The following LSM4 variants were observed in gnomAD, a reference collection of about 807,000 sequenced individuals.
LSM4 encodes the protein LSM4 homolog, U6 small nuclear RNA and mRNA degradation associated, also known as U6 snRNA-associated Sm-like protein LSm4.
In LSM4, 15 loss-of-function variants were observed where a neutral mutation model predicts 22.3. That is an observed-to-expected ratio of 0.67 (90% CI 0.45 to 1.03). The LOEUF is 1.03. Among genes scored for constraint, LSM4 ranks in the 50% least tolerant of loss-of-function variants. The pLI is 0.00. For synonymous variants in LSM4, 90 were observed against 79.8 expected, an observed-to-expected ratio of 1.13 and a Z score of -0.68; for missense variants, 127 against 198.0, an observed-to-expected ratio of 0.64 and a Z score of 2.15.
chr19:18,310,625 C>T (rs926954904), intron 3 of LSM4, among the ~76,000 whole-genome samples: 1 of 152,196 alleles, frequency 6.6e-6, no homozygotes, highest in African/African-American at 2.4e-5. Context: ...CCTACCATAT[C>T]AGTTTCCCAG....
chr19:18,320,413 C>G (rs914499904), intron 1 of LSM4, among the ~76,000 whole-genome samples: 1 of 150,628 alleles, frequency 6.6e-6, no homozygotes, highest in Admixed American at 6.6e-5. Context: ...AGGCTGAGGT[C>G]AGGTGGGAGG....
intron 3 of LSM4, chr19:18,312,360 A>G: frequency 2.1e-6 from 1 of 472,990 alleles, no homozygotes; most frequent in Non-Finnish European, 3.9e-6. Context: ...AGGTCCTTCC[A>G]GGTCAGGGGT....
Position 18,312,741 on chromosome 19 carries a change from G to A in LSM4, c.46-39C>T, listed in dbSNP as rs750286303. On this transcript the variant is annotated intron_variant, in intron 2 of 4. Coordinates refer to ENST00000593829, the MANE Select transcript of LSM4 (RefSeq NM_012321.5). ...AGGCTAGAGGTTGGCTGTAGCCCTGGAGCCCTGCGCCATGGGCCCCTCAGG... is the reference window on the plus strand; with the variant it reads ...AGGCTAGAGGTTGGCTGTAGCCCTGAAGCCCTGCGCCATGGGCCCCTCAGG... The A allele has an allele frequency of 2.8e-5, 42 of 1,509,516 alleles. No individual in the cohort carries two copies. The East Asian group carries it at 9.3e-4, about 33-fold the overall frequency. 93.5% of individuals were successfully genotyped at this position (1,509,516 alleles called of 1,614,324 possible). A position where few individuals can be genotyped will look rare whatever the true frequency, so the allele number is the denominator to read the frequency against.
At chr19:18,312,790 GACCA>G in intron 2 of LSM4, 88 bp from the exon 3 acceptor site, 3 of 981,148 alleles carry the variant, frequency 3.1e-6, no homozygotes, top group Non-Finnish European at 4.9e-6. Flanking sequence ...CCCTGAGATG[GACCA>G]CCACCTCCGG....
chr19:18,313,984 T>C (rs1970325125), intron 2 of LSM4, among the ~76,000 whole-genome samples: 1 of 152,090 alleles, frequency 6.6e-6, no homozygotes, highest in South Asian at 2.1e-4. Flanking sequence ...CACGCCCAGC[T>C]AATTTTTTAG....
intron 1 of LSM4, among the ~76,000 whole-genome samples, chr19:18,320,429 G>T (rs947257142): frequency 2.0e-5 from 3 of 152,254 alleles, no homozygotes; most frequent in African/African-American, 7.2e-5. Context: ...GGAGGATCAC[G>T]GGCCAGTGAG....
intron 2 of LSM4, among the ~76,000 whole-genome samples, chr19:18,315,238 G>A (rs1203017439): frequency 1.3e-5 from 2 of 152,038 alleles, no homozygotes; most frequent in East Asian, 1.9e-4. Flanking sequence ...AACCTCAAAC[G>A]CCTCAGGCTC....
chr19:18,311,321 A>T (rs1970295277), intron 3 of LSM4, among the ~76,000 whole-genome samples: 1 of 152,032 alleles, frequency 6.6e-6, no homozygotes, highest in Non-Finnish European at 1.5e-5. Flanking sequence ...GGAGGGCCCC[A>T]CTTAGATGGG....
At chr19:18,322,518 T>A (rs1600174341) in intron 1 of LSM4, among the ~76,000 whole-genome samples, 1 of 152,290 alleles carries the variant, frequency 6.6e-6, no homozygotes, top group East Asian at 1.9e-4. Context: ...GCACCAGGCC[T>A]GCTTTTCAGC....
At chr19:18,315,156 C>T (rs1263218486) in intron 2 of LSM4, among the ~76,000 whole-genome samples, 1 of 151,982 alleles carries the variant, frequency 6.6e-6, no homozygotes, top group South Asian at 2.1e-4. Context: ...GGATTACAGG[C>T]ATAGAGCCAC....
chr19:18,309,672 A>AC lies in LSM4; in HGVS notation c.328+5dup, dbSNP rs1247520979. 3 of 1,594,074 alleles carry AC rather than the reference A, an allele frequency of 1.9e-6. No homozygotes were observed. In the East Asian group the frequency reaches 6.7e-5, roughly 36 times the overall value. On this transcript the variant is annotated splice_donor_region_variant and intron_variant, in intron 4 of 4. Transcript: ENST00000593829. ...CAGGTACGTCCACTGGAGAGGGGAG[A>AC]CCCACCTCGGCCAGCGCCGCCCATG...
At chr19:18,312,145 T>C (rs1403842555) in intron 3 of LSM4, 1 of 161,094 alleles carries the variant, frequency 6.2e-6, no homozygotes, top group African/African-American at 2.4e-5. Flanking sequence ...TCTTGGGCTC[T>C]GGCTGGTGGC....
At chr19:18,316,789 G>A (rs928812854) in intron 1 of LSM4, among the ~76,000 whole-genome samples, 6 of 152,276 alleles carry the variant, frequency 3.9e-5, no homozygotes, top group African/African-American at 1.4e-4. Flanking sequence ...AGGAGACAGA[G>A]CTGGCCTGGT....
chr19:18,311,980 G>C (rs1970303411), intron 3 of LSM4, among the ~76,000 whole-genome samples: 1 of 152,172 alleles, frequency 6.6e-6, no homozygotes, highest in African/African-American at 2.4e-5. Context: ...AGGTTGGTGG[G>C]AGGAGTCCAA....
At chr19:18,319,379 T>G (rs1185025482) in intron 1 of LSM4, among the ~76,000 whole-genome samples, 1 of 152,036 alleles carries the variant, frequency 6.6e-6, no homozygotes, top group East Asian at 1.9e-4. Context: ...CTGGCCAATA[T>G]GGTGAAACCC....
At chr19:18,313,006 G>A (rs1383794901) in intron 2 of LSM4, among the ~76,000 whole-genome samples, 1 of 152,184 alleles carries the variant, frequency 6.6e-6, no homozygotes, top group Non-Finnish European at 1.5e-5. Context: ...AGATCACGAG[G>A]TCAAAAGATT....
intron 2 of LSM4, among the ~76,000 whole-genome samples, 165 bp from the exon 3 acceptor site, chr19:18,312,867 C>T (rs1426160553): frequency 4.6e-5 from 7 of 152,202 alleles, no homozygotes; most frequent in Admixed American, 1.3e-4. Flanking sequence ...GCTCTGCCTC[C>T]GCTAGACACT....
chr19:18,312,763 C>A, intron 2 of LSM4, 61 bp from the exon 3 acceptor site: 5 of 1,293,660 alleles, frequency 3.9e-6, no homozygotes, highest in Non-Finnish European at 5.6e-6. Context: ...ATGGGCCCCT[C>A]AGGAGGTGTA....
chr19:18,312,759 C>A, intron 2 of LSM4, 57 bp from the exon 3 acceptor site: 1 of 1,326,034 alleles, frequency 7.5e-7, no homozygotes, highest in Non-Finnish European at 1.1e-6. Flanking sequence ...CGCCATGGGC[C>A]CCTCAGGAGG....
Sources: gnomAD v4.1 joint callset for allele counts (sites outside exome capture counted in the v4.1 genomes callset) on GRCh38, gnomAD v4.1.1 for gene constraint, MANE v1.5 for transcripts, NCBI Gene and HGNC (gene_info 2026-07-23, HGNC 2026-07-21) for gene names.